Variants in EVL observed in about 807,000 individuals in gnomAD.
The protein encoded by EVL is ena/VASP-like protein.
A neutral mutation model predicts 59.6 loss-of-function variants in EVL; 21 were observed. That is an observed-to-expected ratio of 0.35 (90% CI 0.25 to 0.51). EVL has a LOEUF of 0.51. EVL is among the 20% of genes least tolerant of loss of function. EVL has a pLI of 0.97. For synonymous variants in EVL, 198 were observed against 203.5 expected (o/e 0.97, Z 0.23); for missense variants, 462 against 546.6 (o/e 0.85, Z 1.54).
intron 1 of EVL, among the ~76,000 whole-genome samples, chr14:99,995,288 G>A (rs956609660): frequency 3.3e-5 from 5 of 152,084 alleles, no homozygotes; most frequent in Non-Finnish European, 7.4e-5. Context: ...GATGGTAGTC[G>A]ATAAGTTCTT....
intron 1 of EVL, among the ~76,000 whole-genome samples, chr14:100,031,852 A>G (rs1308926871): frequency 2.6e-5 from 4 of 152,210 alleles, no homozygotes; most frequent in African/African-American, 4.8e-5. Context: ...AAACAGGAAC[A>G]CTTGGAGCTC....
intron 1 of EVL, among the ~76,000 whole-genome samples, chr14:100,009,951 A>G (rs2061005949): frequency 1.3e-5 from 2 of 152,226 alleles, no homozygotes; most frequent in South Asian, 4.1e-4. Flanking sequence ...TGTTCAGGTT[A>G]AGATAAAGGA....
rs181052226 is a variant in EVL at position 100,026,925 on chromosome 14, A to G, written c.5+54868A>G. Among the ~76,000 whole-genome samples, 30 of 152,288 alleles carry G rather than the reference A, an allele frequency of 2.0e-4. No individual in the cohort carries two copies. In the East Asian group the frequency reaches 3.9e-3, roughly 20 times the overall value. ...ATCTACAACCATGTGGATCTTTGAT[A>G]GATGATGGTGGGAGCACTGGTTGGT... is the stretch of plus-strand genomic sequence containing the variant. On this transcript the variant is annotated intron_variant, in intron 1 of 13. Transcript: ENST00000402714.
chr14:100,100,765 A>C (rs1161610262), intron 3 of EVL, among the ~76,000 whole-genome samples: 1 of 142,874 alleles, frequency 7.0e-6, no homozygotes, highest in African/African-American at 2.7e-5. Context: ...AGCCTGTGTG[A>C]CAGAGCAAGA....
chr14:100,119,658 T>C (rs1426394574), intron 3 of EVL, among the ~76,000 whole-genome samples: 1 of 152,224 alleles, frequency 6.6e-6, no homozygotes, highest in Admixed American at 6.5e-5. Context: ...TGCGAACAAA[T>C]ATTTCCAGCA....
chr14:100,141,057 A>T, intron 11 of EVL, 123 bp from the exon 12 acceptor site: 1 of 862,888 alleles, frequency 1.2e-6, no homozygotes, highest in Non-Finnish European at 1.8e-6. Flanking sequence ...CCAGAGTCTG[A>T]AGCAAGCAGC....
chr14:100,111,522 A>G (rs911951754), intron 3 of EVL, among the ~76,000 whole-genome samples: 11 of 152,150 alleles, frequency 7.2e-5, no homozygotes, highest in Non-Finnish European at 1.6e-4. Context: ...CTCAAATGAT[A>G]AAATAGATGG....
At chr14:99,990,349 T>A (rs1048614991) in intron 1 of EVL, among the ~76,000 whole-genome samples, 1 of 152,234 alleles carries the variant, frequency 6.6e-6, no homozygotes, top group African/African-American at 2.4e-5. Context: ...TTAATTTTTA[T>A]TGTAAAAACA....
intron 1 of EVL, among the ~76,000 whole-genome samples, chr14:99,998,369 C>T (rs1295942128): frequency 6.6e-6 from 1 of 152,104 alleles, no homozygotes; most frequent in Non-Finnish European, 1.5e-5. Context: ...AGATCTGACT[C>T]TCCTCAGCTT....
intron 1 of EVL, among the ~76,000 whole-genome samples, chr14:100,073,061 T>A (rs538646851): frequency 3.9e-5 from 6 of 152,240 alleles, no homozygotes; most frequent in African/African-American, 1.4e-4. Flanking sequence ...GGTCACTGAA[T>A]TGGGACATGG....
intron 1 of EVL, among the ~76,000 whole-genome samples, chr14:100,022,822 C>T (rs974118922): frequency 5.3e-5 from 8 of 152,154 alleles, no homozygotes; most frequent in Non-Finnish European, 8.8e-5. Flanking sequence ...GTCCTGAGGT[C>T]GGTGCCATGG....
At chr14:100,126,895 A>G in intron 5 of EVL, 124 bp downstream of exon 5, 1 of 807,256 alleles carries the variant, frequency 1.2e-6, no homozygotes, top group Non-Finnish European at 2.0e-6. Flanking sequence ...CTAGGTCTCA[A>G]AGTGCAACCA....
At chr14:99,998,351 C>T (rs867573019) in intron 1 of EVL, among the ~76,000 whole-genome samples, 5 of 152,172 alleles carry the variant, frequency 3.3e-5, no homozygotes, top group South Asian at 4.2e-4. Flanking sequence ...AGTGGTGTTC[C>T]GGGTCTAAGA....
At chr14:100,047,494 A>G (rs1373444043) in intron 1 of EVL, among the ~76,000 whole-genome samples, 1 of 150,896 alleles carries the variant, frequency 6.6e-6, no homozygotes, top group Non-Finnish European at 1.5e-5. Flanking sequence ...CAGAGCTCAC[A>G]CTCTCTTTCC....
intron 2 of EVL, among the ~76,000 whole-genome samples, chr14:100,095,879 C>T (rs1885774554): frequency 6.6e-6 from 1 of 152,178 alleles, no homozygotes; most frequent in Non-Finnish European, 1.5e-5. Flanking sequence ...AGGCACCCAC[C>T]ACCATTCTCG....
chr14:100,075,386 G>T (rs1595136766), intron 1 of EVL, among the ~76,000 whole-genome samples: 1 of 152,250 alleles, frequency 6.6e-6, no homozygotes, highest in South Asian at 2.1e-4. Flanking sequence ...ATGGTTCTCA[G>T]CCCAGCTTTT....
chr14:100,121,190 C>T (rs1887674907), intron 3 of EVL, among the ~76,000 whole-genome samples: 1 of 152,188 alleles, frequency 6.6e-6, no homozygotes, highest in African/African-American at 2.4e-5. Flanking sequence ...CCTTCCTTAG[C>T]TACTCCTCCC....
At chr14:99,976,713 T>G (rs1427067571) in intron 1 of EVL, among the ~76,000 whole-genome samples, 5 of 152,200 alleles carry the variant, frequency 3.3e-5, no homozygotes, top group Non-Finnish European at 7.3e-5. Flanking sequence ...GATTGAAATA[T>G]CTCTAAGCTG....
intron 1 of EVL, among the ~76,000 whole-genome samples, chr14:100,028,555 G>A (rs1195842107): frequency 1.3e-5 from 2 of 152,184 alleles, no homozygotes; most frequent in Non-Finnish European, 2.9e-5. Flanking sequence ...GCTCACGCCT[G>A]TAATCCCAGC....
Sources: allele counts gnomAD v4.1 joint callset (sites outside exome capture counted in the v4.1 genomes callset), GRCh38; gene constraint gnomAD v4.1.1; transcripts MANE v1.5; gene names NCBI Gene and HGNC (gene_info 2026-07-23, HGNC 2026-07-21).